The following SHISA5 variants were observed in gnomAD, a reference collection of about 807,000 sequenced individuals.
SHISA5 encodes the protein protein shisa-5.
In SHISA5, 21 loss-of-function variants were observed where a neutral mutation model predicts 27.5. The observed-to-expected ratio is 0.76, with a 90% CI of 0.54 to 1.10. The LOEUF is 1.10. Among genes scored for constraint, SHISA5 ranks in the 50% least tolerant of loss-of-function variants. SHISA5 has a pLI of 0.00. For synonymous variants in SHISA5, 137 were observed against 142.2 expected (o/e 0.96, Z 0.26); for missense variants, 314 against 336.3 (o/e 0.93, Z 0.52).
intron 2 of SHISA5, among the ~76,000 whole-genome samples, chr3:48,480,357 C>T (rs1487144184): frequency 6.7e-6 from 1 of 149,656 alleles, no homozygotes; most frequent in Non-Finnish European, 1.5e-5. Context: ...ATAAAGGATA[C>T]TTACCTGGCA....
At chr3:48,491,542 G>A (rs1050610663) in intron 2 of SHISA5, among the ~76,000 whole-genome samples, 1 of 152,084 alleles carries the variant, frequency 6.6e-6, no homozygotes, top group Non-Finnish European at 1.5e-5. Flanking sequence ...CTGTTTCACG[G>A]GCGATGGTCA....
intron 3 of SHISA5, among the ~76,000 whole-genome samples, chr3:48,477,887 CT>C (rs1387987795): frequency 6.6e-6 from 1 of 152,248 alleles, no homozygotes; most frequent in Non-Finnish European, 1.5e-5. Context: ...TCCAGCGCCT[CT>C]GGCCAGGAAG....
At chr3:48,496,334 C>A (rs1464265937) in intron 2 of SHISA5, among the ~76,000 whole-genome samples, 1 of 151,696 alleles carries the variant, frequency 6.6e-6, no homozygotes, top group Non-Finnish European at 1.5e-5. Flanking sequence ...TGGCTCATGC[C>A]TGTAATCCCA....
At chr3:48,480,902 C>T (rs2107323655) in intron 2 of SHISA5, among the ~76,000 whole-genome samples, 2 of 152,154 alleles carry the variant, frequency 1.3e-5, no homozygotes, top group Middle Eastern at 6.8e-3. Context: ...CGAGACCAGC[C>T]TGGCCAATAT....
chr3:48,502,731 A>G (rs778115601), intron 1 of SHISA5, among the ~76,000 whole-genome samples: 1 of 152,240 alleles, frequency 6.6e-6, no homozygotes, highest in Non-Finnish European at 1.5e-5. Context: ...TACCTAGTCC[A>G]GCAAGGCCCA....
chr3:48,469,652 C>G lies in SHISA5; in HGVS notation c.430+76G>C, dbSNP rs2040529795. 6.3e-7 allele frequency: 1 copy of G among 1,599,422 alleles called. No homozygotes were observed. Among genetic ancestry groups the G allele is most frequent in the African/African-American group, 1.3e-5 (1 of 74,680 alleles). On this transcript the variant is annotated intron_variant, in intron 4 of 5. Transcript: ENST00000296444. This position sits in a 1 kb window ranked among gnomAD's most constrained non-coding sequence, Gnocchi z 4.6. Reference sequence around the variant, plus strand: ...CCAGGCTTGCCACCCATCCCTCCAGCTTAGCCAAAGCAGGGCCTGGTCAGC... The same window carrying G: ...CCAGGCTTGCCACCCATCCCTCCAGGTTAGCCAAAGCAGGGCCTGGTCAGC...
At chr3:48,492,380 G>T (rs1303910699) in intron 2 of SHISA5, among the ~76,000 whole-genome samples, 1 of 149,504 alleles carries the variant, frequency 6.7e-6, no homozygotes, top group Non-Finnish European at 1.5e-5. Flanking sequence ...TGAGGCAGGA[G>T]AATGGCGTGA....
At chr3:48,501,398 C>T (rs1468005556) in intron 1 of SHISA5, 105 bp from the exon 2 acceptor site, 11 of 1,287,418 alleles carry the variant, frequency 8.5e-6, no homozygotes, top group Non-Finnish European at 9.8e-6. Flanking sequence ...CACACACATG[C>T]TGCACCGTCT....
At position 48,504,035 on chromosome 3, in the gene SHISA5, T is replaced by TAGC. The variant is rs1382591265; in HGVS notation, c.57_59dup (p.Leu20dup). ...CCGGCTCACCACCCGGAGGCGGCGT[T>TAGC]AGCAGCAGCAGCAACAGCAACGGCA... On this transcript the variant is annotated inframe_insertion, in exon 1 of 6. Transcript: ENST00000296444. The surrounding 1 kb of genome is among the most constrained non-coding windows in gnomAD (Gnocchi z 4.0). 4.8e-6 allele frequency: 7 copies of TAGC among 1,466,234 alleles called. No homozygotes were observed. In the Admixed American group the frequency reaches 9.6e-5, roughly 20 times the overall value. The allele number at this position is 1,466,234 out of a possible 1,614,324, so 90.8% of individuals were successfully genotyped here.
intron 1 of SHISA5, among the ~76,000 whole-genome samples, chr3:48,502,103 T>G (rs11706087): frequency 6.6e-6 from 1 of 152,142 alleles, no homozygotes; most frequent in Admixed American, 6.6e-5. Flanking sequence ...CCTCAGGTGA[T>G]CCACCCATCT....
intron 2 of SHISA5, among the ~76,000 whole-genome samples, chr3:48,482,962 T>C (rs1237099094): frequency 6.6e-6 from 1 of 152,060 alleles, no homozygotes; most frequent in East Asian, 1.9e-4. Flanking sequence ...GTCTCATCTG[T>C]CACCCAGGCT....
intron 2 of SHISA5, among the ~76,000 whole-genome samples, chr3:48,481,993 C>T (rs112251628): frequency 7.7e-5 from 11 of 142,086 alleles, no homozygotes; most frequent in Non-Finnish European, 1.7e-4. Flanking sequence ...GGTGTGAACC[C>T]GGGAGGCAGA....
intron 2 of SHISA5, among the ~76,000 whole-genome samples, chr3:48,492,327 G>T: frequency 1.3e-5 from 2 of 151,344 alleles, no homozygotes; most frequent in Admixed American, 1.3e-4. Context: ...AAAATTAGCC[G>T]GGCGCGGTGG....
chr3:48,482,726 C>G (rs949872042), intron 2 of SHISA5, among the ~76,000 whole-genome samples: 1 of 151,976 alleles, frequency 6.6e-6, no homozygotes, highest in Non-Finnish European at 1.5e-5. Context: ...ACCTCTGCCT[C>G]CCAGGTTCAA....
intron 2 of SHISA5, among the ~76,000 whole-genome samples, chr3:48,499,969 G>A (rs1409607956): frequency 6.7e-6 from 1 of 150,218 alleles, no homozygotes; most frequent in Admixed American, 6.7e-5. Flanking sequence ...GTGCAGCCCT[G>A]TGCACCACTC....
intron 1 of SHISA5, 104 bp from the exon 2 acceptor site, chr3:48,501,397 G>T: frequency 1.6e-6 from 2 of 1,263,260 alleles, no homozygotes; most frequent in Non-Finnish European, 2.2e-6. Flanking sequence ...ACACACACAT[G>T]CTGCACCGTC....
At chr3:48,489,215 G>GAGACAGGGTCTCACT in intron 2 of SHISA5, among the ~76,000 whole-genome samples, 1 of 78,762 alleles carries the variant, frequency 1.3e-5, no homozygotes, top group South Asian at 3.9e-4. Context: ...TTTTTTTTTT[G>GAGACAGGGTCTCACT]CTCATCAGCT....
chr3:48,479,557 T>C, intron 2 of SHISA5: 1 of 387,358 alleles, frequency 2.6e-6, no homozygotes, highest in Non-Finnish European at 4.6e-6. Context: ...AGGATGAAGT[T>C]ACAAATCAGT....
rs373320698 is a variant in SHISA5 at position 48,479,246 on chromosome 3, C to G, written c.245G>C (p.Ser82Thr). ...CAVPEASVPA[S>T]VEPVEQLGSA... The stretch of plus-strand genomic sequence containing the variant: ...GCCCAGCTGCTCCACCGGCTCTACA[C>G]TGGCAGGCACGCTGCAAACAGGAAA... The change falls in exon 3 of 6, where the codon AGT (serine) becomes ACT (threonine). Residue 82 changes from serine to threonine, a missense_variant. By Grantham distance (58) the Ser-to-Thr change is moderately conservative (BLOSUM62 1). Coordinates refer to ENST00000296444, the MANE Select transcript of SHISA5 (RefSeq NM_016479.6). The G allele has an allele frequency of 3.7e-6, 6 of 1,607,690 alleles. No homozygotes were observed. The highest frequency in any genetic ancestry group is 1.3e-5 in the African/African-American group (1 of 74,904).
Sources: allele counts gnomAD v4.1 joint callset (sites outside exome capture counted in the v4.1 genomes callset), GRCh38; gene constraint gnomAD v4.1.1; non-coding constraint Gnocchi (gnomAD v3.1); transcripts MANE v1.5; gene names NCBI Gene and HGNC (gene_info 2026-07-23, HGNC 2026-07-21).